KAZN: variants seen among roughly 807,000 people sequenced by gnomAD.
KAZN encodes kazrin, periplakin interacting protein, also known as kazrin.
Under a neutral mutation model 87.4 loss-of-function variants are expected in KAZN, and 40 were observed. The ratio of observed to expected loss-of-function variants is 0.46; its 90% CI spans 0.36 to 0.60. The LOEUF is 0.60. Ranked by LOEUF, KAZN falls within the 20% of genes least tolerant of loss-of-function variation. KAZN has a pLI of 0.00. For synonymous variants in KAZN, 466 were observed against 458.3 expected, an observed-to-expected ratio of 1.02 and a Z score of -0.22; for missense variants, 898 against 1,073.9, an observed-to-expected ratio of 0.84 and a Z score of 2.29.
At chr1:14,259,149 T>C (rs1650812125) in intron 2 of KAZN, among the ~76,000 whole-genome samples, 1 of 151,860 alleles carries the variant, frequency 6.6e-6, no homozygotes, top group African/African-American at 2.4e-5. Flanking sequence ...GAAAGGTGGC[T>C]CACGTGGCTA....
chr1:14,214,409 T>C (rs1042147186), intron 2 of KAZN, among the ~76,000 whole-genome samples: 3 of 152,168 alleles, frequency 2.0e-5, no homozygotes, highest in Non-Finnish European at 1.5e-5. Context: ...GTGTAGTCAA[T>C]AAATATTTTT....
intron 2 of KAZN, 128 bp downstream of exon 2, chr1:14,961,003 C>T: frequency 2.1e-6 from 2 of 933,656 alleles, no homozygotes; most frequent in Non-Finnish European, 3.1e-6. Context: ...CCAGCTGTGG[C>T]TGCCCTGTCC....
chr1:13,974,128 A>G (rs746409939), intron 1 of KAZN, among the ~76,000 whole-genome samples: 7 of 152,260 alleles, frequency 4.6e-5, no homozygotes, highest in Non-Finnish European at 1.0e-4. Flanking sequence ...GTGAAATGTT[A>G]TCAAACCAGG....
intron 2 of KAZN, among the ~76,000 whole-genome samples, chr1:14,187,217 G>A (rs1336902966): frequency 6.6e-6 from 1 of 151,964 alleles, no homozygotes; most frequent in Non-Finnish European, 1.5e-5. Flanking sequence ...GCTTCCTGAG[G>A]GGTTATTAAA....
intron 1 of KAZN, among the ~76,000 whole-genome samples, chr1:14,893,718 G>GT (rs1230799302): frequency 2.6e-5 from 4 of 152,144 alleles, no homozygotes; most frequent in Non-Finnish European, 4.4e-5. Context: ...AGGGTCAGAG[G>GT]TCAGAGTGGG....
At chr1:14,761,790 T>C (rs1322620564) in intron 1 of KAZN, among the ~76,000 whole-genome samples, 2 of 152,056 alleles carry the variant, frequency 1.3e-5, no homozygotes, top group African/African-American at 2.4e-5. Flanking sequence ...TTTTCAAGGC[T>C]AAAAACACCA....
intron 4 of KAZN, among the ~76,000 whole-genome samples, chr1:15,048,697 T>G (rs532396272): frequency 1.4e-5 from 2 of 140,660 alleles, no homozygotes; most frequent in East Asian, 4.1e-4. Flanking sequence ...CCTGGGTCGT[T>G]GATCCTTGGT....
chr1:15,054,529 G>A (rs935535035), intron 4 of KAZN, among the ~76,000 whole-genome samples: 1 of 152,048 alleles, frequency 6.6e-6, no homozygotes, highest in African/African-American at 2.4e-5. Flanking sequence ...GCAGGCGCCT[G>A]TAATCCCAGC....
At chr1:14,945,801 C>G (rs533228586) in intron 1 of KAZN, 14 of 883,736 alleles carry the variant, frequency 1.6e-5, no homozygotes, top group Admixed American at 6.2e-5. Flanking sequence ...TCCACGGCCT[C>G]GAGAGCCTCC....
intron 1 of KAZN, among the ~76,000 whole-genome samples, chr1:14,694,798 A>G (rs562606278): frequency 4.7e-4 from 72 of 152,298 alleles, no homozygotes; most frequent in African/African-American, 1.7e-3. Context: ...AAAGGACTCA[A>G]TGCATCACTG....
At chr1:13,893,731 T>G in exon 1 of KAZN, 1 of 1,550,526 alleles carries the variant, frequency 6.4e-7, no homozygotes, top group Non-Finnish European at 8.7e-7. Context: ...ACGTCTTTGG[T>G]CAGCAGTGCC....
chr1:14,866,849 C>T (rs1218502979), intron 1 of KAZN, among the ~76,000 whole-genome samples: 3 of 152,256 alleles, frequency 2.0e-5, no homozygotes, highest in African/African-American at 7.2e-5. Context: ...ATCCGGACAC[C>T]TAATCTGAGG....
At chr1:14,790,855 C>T (rs903941706) in intron 1 of KAZN, among the ~76,000 whole-genome samples, 1 of 152,180 alleles carries the variant, frequency 6.6e-6, no homozygotes, top group Non-Finnish European at 1.5e-5. Context: ...ACTATGCCAA[C>T]TAACTTTTGT....
chr1:14,297,760 A>G lies in KAZN; in HGVS notation c.249+117168A>G, dbSNP rs556495518. ...TAGAGGAACAGCCTTGAATTTGCTT[A>G]AAGTTACATTAAATTTGGGCAAATT... On this transcript the variant is annotated intron_variant, in intron 2 of 16. Coordinates refer to the KAZN transcript ENST00000636203. 5.3e-5 allele frequency among the ~76,000 whole-genome samples: 8 copies of G among 152,322 alleles called. No individual in the cohort carries two copies. The East Asian group carries it at 1.4e-3, about 26-fold the overall frequency.
chr1:14,527,827 T>C (rs1671972638), intron 2 of KAZN, among the ~76,000 whole-genome samples: 1 of 152,116 alleles, frequency 6.6e-6, no homozygotes, highest in South Asian at 2.1e-4. Flanking sequence ...AAACTATTCA[T>C]GAAGAATCTG....
At chr1:14,079,183 A>G (rs114714748) in intron 1 of KAZN, among the ~76,000 whole-genome samples, 132 of 152,368 alleles carry the variant, frequency 8.7e-4, no homozygotes, top group African/African-American at 3.1e-3. Flanking sequence ...AAGGCAGAGA[A>G]GGAACAGACA....
chr1:14,226,204 TAAC>T (rs1190791986), intron 2 of KAZN, among the ~76,000 whole-genome samples: 7 of 151,934 alleles, frequency 4.6e-5, no homozygotes, highest in South Asian at 2.1e-4. Flanking sequence ...TTAAGCAAAT[TAAC>T]AAGCAAAACC....
chr1:14,319,488 A>C (rs1557637117), intron 2 of KAZN, among the ~76,000 whole-genome samples: 1 of 151,728 alleles, frequency 6.6e-6, no homozygotes, highest in Non-Finnish European at 1.5e-5. Flanking sequence ...TTCAGAAAAG[A>C]CCCAAGTAGA....
intron 1 of KAZN, among the ~76,000 whole-genome samples, chr1:14,728,672 G>A (rs982335486): frequency 6.6e-6 from 1 of 152,152 alleles, no homozygotes; most frequent in Non-Finnish European, 1.5e-5. Context: ...CCTGGCAGGA[G>A]CATTGCTTTT....
Sources: gnomAD v4.1 joint callset for allele counts (sites outside exome capture counted in the v4.1 genomes callset) on GRCh38, gnomAD v4.1.1 for gene constraint, MANE v1.5 for transcripts, NCBI Gene and HGNC (gene_info 2026-07-23, HGNC 2026-07-21) for gene names.